The following ZSWIM5 variants were observed in gnomAD, a reference collection of about 807,000 sequenced individuals.
ZSWIM5 encodes the protein zinc finger SWIM domain-containing protein 5.
ZSWIM5 carries 55 observed loss-of-function variants against 119.6 expected under a neutral mutation model. The ratio of observed to expected loss-of-function variants is 0.46; its 90% CI spans 0.37 to 0.58. The LOEUF (loss-of-function observed/expected upper bound fraction) is 0.58, where lower values mean the gene tolerates loss of function less well. ZSWIM5 is among the 20% of genes least tolerant of loss of function. The pLI is 0.00. For synonymous variants in ZSWIM5, 537 were observed against 606.9 expected (o/e 0.88, Z 1.69); for missense variants, 1,193 against 1,512.8 (o/e 0.79, Z 3.51).
chr1:45,108,328 T>C (rs1293619165), intron 1 of ZSWIM5, among the ~76,000 whole-genome samples: 3 of 151,848 alleles, frequency 2.0e-5, no homozygotes, highest in Non-Finnish European at 4.4e-5. Flanking sequence ...ATTATATCAA[T>C]GTTGGGAGGA....
intron 1 of ZSWIM5, among the ~76,000 whole-genome samples, chr1:45,174,702 T>C (rs1645968907): frequency 6.6e-6 from 1 of 152,064 alleles, no homozygotes; most frequent in African/African-American, 2.4e-5. Flanking sequence ...ATCGCGCCAC[T>C]GCACTACAGC....
Position 45,071,945 on chromosome 1 carries a change from C to T in ZSWIM5, c.953-11698G>A, listed in dbSNP as rs562365762. On this transcript the variant is annotated intron_variant, in intron 2 of 13. Transcript: ENST00000359600. ...TACTGATTTCCTTTTCTTTGGAAAG[C>T]AGTAGGATTGCTGAATCATATGGTA... Among the ~76,000 whole-genome samples, 11 of 152,302 alleles carry T rather than the reference C, an allele frequency of 7.2e-5. No homozygotes were observed. The East Asian group carries it at 2.1e-3, about 29-fold the overall frequency.
chr1:45,079,985 C>T (rs2149008086), intron 2 of ZSWIM5, among the ~76,000 whole-genome samples: 1 of 152,270 alleles, frequency 6.6e-6, no homozygotes, highest in East Asian at 1.9e-4. Flanking sequence ...TGTGGCTGAG[C>T]TGGTATCCAA....
chr1:45,132,100 TATA>T (rs1472712113), intron 1 of ZSWIM5, among the ~76,000 whole-genome samples: 2 of 150,264 alleles, frequency 1.3e-5, no homozygotes, highest in Admixed American at 1.3e-4. Flanking sequence ...ACAAACATTT[TATA>T]ATTTTATAAT....
At chr1:45,121,710 A>T (rs1461007782) in intron 1 of ZSWIM5, among the ~76,000 whole-genome samples, 1 of 149,450 alleles carries the variant, frequency 6.7e-6, no homozygotes, top group Non-Finnish European at 1.5e-5. Context: ...CTTCTGCCTC[A>T]GCCTCTCAAG....
At chr1:45,109,744 GA>G (rs11441316) in intron 1 of ZSWIM5, among the ~76,000 whole-genome samples, 3,061 of 146,474 alleles carry the variant, frequency 0.021, 110 homozygotes, top group African/African-American at 0.073. Context: ...GACTTCGTAT[GA>G]AAAAAAAAAA....
At chr1:45,163,917 C>T (rs1280317569) in intron 1 of ZSWIM5, among the ~76,000 whole-genome samples, 3 of 152,188 alleles carry the variant, frequency 2.0e-5, no homozygotes, top group Admixed American at 2.0e-4. Context: ...TCCAGGAGAA[C>T]TTCCCCAACC....
intron 1 of ZSWIM5, among the ~76,000 whole-genome samples, chr1:45,195,930 C>A (rs1001584594): frequency 5.3e-5 from 8 of 150,364 alleles, no homozygotes; most frequent in African/African-American, 2.0e-4. Context: ...AGCAGTGACG[C>A]CATCATGGCT....
chr1:45,071,091 T>C lies in ZSWIM5; in HGVS notation c.953-10844A>G, dbSNP rs190493074. On this transcript the variant is annotated intron_variant, in intron 2 of 13. Transcript: ENST00000359600. Reference sequence around the variant, plus strand: ...CACAACATGGAAAATGGGGTATCCATTACCTCAAGTATTTATTCTTTGTGT... The same window carrying C: ...CACAACATGGAAAATGGGGTATCCACTACCTCAAGTATTTATTCTTTGTGT... Among the ~76,000 whole-genome samples the C allele has an allele frequency of 2.6e-5, 4 of 152,342 alleles. No homozygotes were observed. In the East Asian group the frequency reaches 7.7e-4, roughly 29 times the overall value.
chr1:45,119,560 GC>G (rs1352075705), intron 1 of ZSWIM5, among the ~76,000 whole-genome samples: 4 of 152,114 alleles, frequency 2.6e-5, no homozygotes, highest in African/African-American at 9.7e-5. Flanking sequence ...GTTTCCTCAG[GC>G]CTTAGAAGCA....
chr1:45,033,904 C>T (rs982260454), intron 11 of ZSWIM5, among the ~76,000 whole-genome samples: 3 of 151,820 alleles, frequency 2.0e-5, no homozygotes, highest in Non-Finnish European at 4.4e-5. Context: ...GCTCTGTCAC[C>T]CAGGCTGGAG....
intron 2 of ZSWIM5, among the ~76,000 whole-genome samples, chr1:45,079,303 G>A (rs1183368038): frequency 2.0e-5 from 3 of 152,156 alleles, no homozygotes; most frequent in Non-Finnish European, 4.4e-5. Context: ...AAACAGCCTT[G>A]TTGCTTACAC....
chr1:45,205,782 C>A lies in ZSWIM5; in HGVS notation c.569G>T (p.Gly190Val), dbSNP rs1395251796. Residue 190 changes from glycine to valine, a missense_variant, in exon 1 of 14, where the codon GGC becomes GTC. By Grantham distance (109) the Gly-to-Val change is moderately radical. Coordinates refer to ENST00000359600, the MANE Select transcript of ZSWIM5 (RefSeq NM_020883.2). ...GACTTGCAGCACGTTCTCCACGGAG[C>A]CGCTGTCCAGCAGACGGATGCCCCG... Reference protein sequence around the residue: ...FRRGIRLLDSGSVENVLQVGF... With the variant: ...FRRGIRLLDSVSVENVLQVGF... 6.4e-7 allele frequency: 1 copy of A among 1,566,014 alleles called. No individual in the cohort carries two copies.
Position 45,020,771 on chromosome 1 carries a change from G to C in ZSWIM5, c.2467C>G (p.Arg823Gly), listed in dbSNP as rs200748429. ...TTCTGTATTGCTTCCAGAATTGTTCGGAGTCTCAAAGTGTCTCCTATAGGT... is the reference window on the plus strand; with the variant it reads ...TTCTGTATTGCTTCCAGAATTGTTCCGAGTCTCAAAGTGTCTCCTATAGGT... ...TAAKGDTLRL[R>G]TILEAIQKHI... The change falls in exon 12 of 14, where the codon CGA becomes GGA. Residue 823 changes from arginine (R) to glycine (G), a missense_variant. This residue lies in a region of ZSWIM5 where 961 missense variants were observed against 1,290.0 expected (regional missense o/e 0.74). Coordinates refer to ENST00000359600, the MANE Select transcript of ZSWIM5 (RefSeq NM_020883.2). 3.7e-5 allele frequency: 59 copies of C among 1,614,004 alleles called. No individual in the cohort carries two copies. Among genetic ancestry groups the C allele is most frequent in the Admixed American group, 5.0e-5 (3 of 59,996 alleles).
At chr1:45,190,895 G>C (rs940352233) in intron 1 of ZSWIM5, among the ~76,000 whole-genome samples, 3 of 147,774 alleles carry the variant, frequency 2.0e-5, no homozygotes, top group Non-Finnish European at 3.0e-5. Context: ...ATTGCCTGTC[G>C]GAGAGTTCCA....
intron 1 of ZSWIM5, among the ~76,000 whole-genome samples, chr1:45,113,341 T>C (rs61788426): frequency 0.032 from 4,912 of 152,264 alleles, 105 homozygotes; most frequent in Non-Finnish European, 0.048. Context: ...GAATTTTCAT[T>C]CTGAAGACAA....
Position 45,176,842 on chromosome 1 carries a change from C to G in ZSWIM5, c.595+28914G>C, listed in dbSNP as rs1026978443. Among the ~76,000 whole-genome samples, 3 of 151,998 alleles carry G rather than the reference C, an allele frequency of 2.0e-5. 1 individual carries two copies. Among genetic ancestry groups the G allele is most frequent in the Non-Finnish European group, 4.4e-5 (3 of 67,968 alleles). The stretch of plus-strand genomic sequence containing the variant: ...CCCTATACAAAAGTCATCCTCAACC[C>G]TTTCAGACTCTGACATCTCAAATTA... On this transcript the variant is annotated intron_variant, in intron 1 of 13. Transcript: ENST00000359600.
intron 1 of ZSWIM5, among the ~76,000 whole-genome samples, chr1:45,107,361 G>A (rs1048368054): frequency 6.6e-6 from 1 of 152,090 alleles, no homozygotes; most frequent in Non-Finnish European, 1.5e-5. Context: ...GATTTAGGCT[G>A]GGCGTGGTGG....
At chr1:45,183,983 G>C (rs145006638) in intron 1 of ZSWIM5, among the ~76,000 whole-genome samples, 9,525 of 152,118 alleles carry the variant, frequency 0.063, 344 homozygotes, top group East Asian at 0.11. Flanking sequence ...GATGAACATT[G>C]ATGCAAAAAT....
Sources: gnomAD v4.1 joint callset for allele counts (sites outside exome capture counted in the v4.1 genomes callset) on GRCh38, gnomAD v4.1.1 for gene constraint, gnomAD v4.1.1 regional missense constraint, MANE v1.5 for transcripts, NCBI Gene and HGNC (gene_info 2026-07-23, HGNC 2026-07-21) for gene names.